Variants in CLASP2 observed in about 807,000 individuals in gnomAD.
The protein encoded by CLASP2 is cytoplasmic linker associated protein 2.
Under a neutral mutation model 194.4 loss-of-function variants are expected in CLASP2, and 47 were observed. That is an observed-to-expected ratio of 0.24 (90% CI 0.19 to 0.31). The LOEUF is 0.31. CLASP2 is among the 10% of genes least tolerant of loss of function. CLASP2 has a pLI of 1.00. For synonymous variants in CLASP2, 619 were observed against 633.5 expected, an observed-to-expected ratio of 0.98 and a Z score of 0.34; for missense variants, 1,445 against 1,823.6, an observed-to-expected ratio of 0.79 and a Z score of 3.78.
intron 20 of CLASP2, chr3:33,592,708 A>C (rs771161428): frequency 3.3e-6 from 2 of 604,860 alleles, no homozygotes; most frequent in Admixed American, 2.6e-5. Flanking sequence ...GGATAAGAAG[A>C]ATCAAACTAA....
At chr3:33,600,661 T>A (rs530080497) in intron 18 of CLASP2, among the ~76,000 whole-genome samples, 12 of 152,336 alleles carry the variant, frequency 7.9e-5, no homozygotes, top group Non-Finnish European at 1.5e-4. Flanking sequence ...TGTATAATTT[T>A]ACACAAAATG....
chr3:33,646,628 C>A (rs1161440542), intron 7 of CLASP2, among the ~76,000 whole-genome samples: 8 of 152,028 alleles, frequency 5.3e-5, no homozygotes, highest in Non-Finnish European at 1.0e-4. Flanking sequence ...TGTTCCTACA[C>A]ACACACAAGA....
chr3:33,540,289 T>C (rs903882815), intron 32 of CLASP2, among the ~76,000 whole-genome samples: 1 of 145,998 alleles, frequency 6.8e-6, no homozygotes, highest in Non-Finnish European at 1.5e-5. Context: ...CAGACTGGAG[T>C]GCAGTGGTGC....
chr3:33,676,046 C>G (rs1289621489), intron 6 of CLASP2, among the ~76,000 whole-genome samples: 2 of 151,936 alleles, frequency 1.3e-5, no homozygotes. Context: ...CCCCATCAAG[C>G]TACCAATGAC....
At chr3:33,561,807 A>G (rs2061834995) in intron 27 of CLASP2, among the ~76,000 whole-genome samples, 1 of 152,130 alleles carries the variant, frequency 6.6e-6, no homozygotes, top group Non-Finnish European at 1.5e-5. Flanking sequence ...CAACACCATA[A>G]TGGAAAATTA....
intron 19 of CLASP2, among the ~76,000 whole-genome samples, chr3:33,596,224 A>G (rs1294981245): frequency 1.3e-5 from 2 of 152,122 alleles, no homozygotes; most frequent in East Asian, 3.8e-4. Flanking sequence ...TTAAAGTTCA[A>G]TTTTGACTAA....
intron 3 of CLASP2, among the ~76,000 whole-genome samples, chr3:33,688,942 T>C (rs1440742763): frequency 6.6e-6 from 1 of 152,188 alleles, no homozygotes; most frequent in African/African-American, 2.4e-5. Flanking sequence ...AAACCAATTA[T>C]TCTGGGCGTA....
chr3:33,518,805 G>A (rs1024331138), intron 34 of CLASP2, among the ~76,000 whole-genome samples: 1 of 152,210 alleles, frequency 6.6e-6, no homozygotes. Flanking sequence ...CTGGACAGAT[G>A]ACTGGCAGAA....
intron 23 of CLASP2, chr3:33,577,219 TCGG>T: frequency 6.3e-7 from 1 of 1,597,778 alleles, no homozygotes; most frequent in Non-Finnish European, 8.5e-7. Context: ...CCCATACACT[TCGG>T]GGGCGTAGAG....
chr3:33,554,486 G>A (rs553844769), intron 29 of CLASP2: 1 of 152,348 alleles, frequency 6.6e-6, no homozygotes, highest in South Asian at 2.1e-4. Flanking sequence ...GTAAAATGGA[G>A]GTTACCAGAG....
intron 20 of CLASP2, among the ~76,000 whole-genome samples, chr3:33,594,237 G>A (rs2069597597): frequency 6.6e-6 from 1 of 152,004 alleles, no homozygotes; most frequent in Non-Finnish European, 1.5e-5. Flanking sequence ...AAATAAAAAA[G>A]TTAATCTATT....
chr3:33,705,893 T>A (rs2092655216), intron 1 of CLASP2, among the ~76,000 whole-genome samples: 1 of 152,078 alleles, frequency 6.6e-6, no homozygotes, highest in African/African-American at 2.4e-5. Flanking sequence ...AAAAGCAAAG[T>A]TGGGAAAAGT....
At chr3:33,539,090 TA>T in intron 32 of CLASP2, 148 bp from the exon 33 acceptor site, 1 of 549,622 alleles carries the variant, frequency 1.8e-6, no homozygotes. Context: ...ATAGCAGCTA[TA>T]TATCATTAAA....
chr3:33,666,233 C>T (rs192295135), intron 6 of CLASP2, among the ~76,000 whole-genome samples: 2 of 152,316 alleles, frequency 1.3e-5, no homozygotes, highest in African/African-American at 2.4e-5. Context: ...CAATTCACCT[C>T]TTCAAACTGT....
At chr3:33,649,486 T>C (rs2082826768) in intron 7 of CLASP2, among the ~76,000 whole-genome samples, 1 of 152,206 alleles carries the variant, frequency 6.6e-6, no homozygotes, top group South Asian at 2.1e-4. Context: ...ATTACTAAGT[T>C]ATTTAAAGTA....
chr3:33,622,729 C>G (rs1211711182), intron 10 of CLASP2, among the ~76,000 whole-genome samples: 1 of 152,070 alleles, frequency 6.6e-6, no homozygotes, highest in Non-Finnish European at 1.5e-5. Flanking sequence ...TGACCATTAC[C>G]ATCACTATCT....
chr3:33,685,095 T>A, intron 5 of CLASP2, among the ~76,000 whole-genome samples: 1 of 151,488 alleles, frequency 6.6e-6, no homozygotes, highest in South Asian at 2.1e-4. Context: ...AATCGCAGCA[T>A]GTTGGGAGAC....
At chr3:33,629,546 G>C (rs2078677666) in intron 9 of CLASP2, among the ~76,000 whole-genome samples, 1 of 152,100 alleles carries the variant, frequency 6.6e-6, no homozygotes, top group Non-Finnish European at 1.5e-5. Context: ...CTGATGGATA[G>C]AAAGGAAAGA....
chr3:33,619,902 A>G (rs1323298324), intron 11 of CLASP2, among the ~76,000 whole-genome samples, 164 bp from the exon 12 acceptor site: 1 of 152,232 alleles, frequency 6.6e-6, no homozygotes, highest in Non-Finnish European at 1.5e-5. Context: ...TAGATACTAC[A>G]TATTTCCTTC....
Sources: gnomAD v4.1 joint callset for allele counts (sites outside exome capture counted in the v4.1 genomes callset) on GRCh38, gnomAD v4.1.1 for gene constraint, MANE v1.5 for transcripts, NCBI Gene and HGNC (gene_info 2026-07-23, HGNC 2026-07-21) for gene names.